SSBP3: variants seen among roughly 807,000 people sequenced by gnomAD.
The protein encoded by SSBP3 is single-stranded DNA-binding protein 3.
In SSBP3, 5 loss-of-function variants were observed where a neutral mutation model predicts 69.6. The observed-to-expected ratio is 0.07, with a 90% CI of 0.04 to 0.15. The LOEUF is 0.15. Ranked by LOEUF, SSBP3 falls within the 10% of genes least tolerant of loss-of-function variation. SSBP3 has a pLI of 1.00. For missense variants in SSBP3, 312 were observed against 534.0 expected (o/e 0.58, Z 4.10); for synonymous variants, 196 against 193.4 (o/e 1.01, Z -0.11).
chr1:54,235,084 C>G (rs1160691266), intron 14 of SSBP3, among the ~76,000 whole-genome samples: 2 of 152,158 alleles, frequency 1.3e-5, no homozygotes, highest in Admixed American at 1.3e-4. Flanking sequence ...CCACACAACC[C>G]TTATACACAA....
intron 4 of SSBP3, among the ~76,000 whole-genome samples, chr1:54,298,270 G>A (rs36120293): frequency 0.25 from 37,458 of 151,940 alleles, 5,383 homozygotes; most frequent in Middle Eastern, 0.39. Context: ...GGCCTAGCTC[G>A]GACCCCTCTC....
chr1:54,328,114 C>T (rs948963142), intron 4 of SSBP3, among the ~76,000 whole-genome samples: 4 of 152,092 alleles, frequency 2.6e-5, no homozygotes, highest in South Asian at 2.1e-4. Context: ...ACTCCACAGC[C>T]GTCTTGACCT....
chr1:54,241,276 C>G (rs1644633107), intron 12 of SSBP3, among the ~76,000 whole-genome samples, 198 bp downstream of exon 12: 1 of 152,170 alleles, frequency 6.6e-6, no homozygotes, highest in African/African-American at 2.4e-5. Flanking sequence ...GCAATTCCAC[C>G]CCCAGGTCTG....
chr1:54,226,169 G>C (rs1251239138), exon 18 of SSBP3: 1 of 152,704 alleles, frequency 6.5e-6, no homozygotes. Flanking sequence ...TTCTCACTGG[G>C]AAGACTGGGG....
chr1:54,404,064 T>C (rs1367718633), intron 3 of SSBP3, among the ~76,000 whole-genome samples: 1 of 152,046 alleles, frequency 6.6e-6, no homozygotes, highest in East Asian at 1.9e-4. Context: ...GACCAGTCAG[T>C]CTGAATCAGT....
chr1:54,285,166 C>G (rs1242387608), intron 4 of SSBP3, among the ~76,000 whole-genome samples: 1 of 152,164 alleles, frequency 6.6e-6, no homozygotes, highest in African/African-American at 2.4e-5. Flanking sequence ...TGCTGTTCTT[C>G]TTTGATTATG....
intron 4 of SSBP3, among the ~76,000 whole-genome samples, chr1:54,380,017 G>A (rs563429182): frequency 7.9e-5 from 12 of 152,312 alleles, no homozygotes; most frequent in South Asian, 6.2e-4. Context: ...CTCTGTTAGC[G>A]GAAAGAGCCT....
At chr1:54,367,488 T>G (rs1469483371) in intron 4 of SSBP3, among the ~76,000 whole-genome samples, 1 of 152,160 alleles carries the variant, frequency 6.6e-6, no homozygotes, top group Non-Finnish European at 1.5e-5. Context: ...ATCTGTCAAT[T>G]AATATGTATT....
chr1:54,314,454 A>C (rs142223744), intron 4 of SSBP3, among the ~76,000 whole-genome samples: 4 of 152,376 alleles, frequency 2.6e-5, no homozygotes, highest in African/African-American at 9.6e-5. Context: ...TGTGGCCTGC[A>C]GTTGTGCCTA....
chr1:54,369,194 A>G (rs1242155501), intron 4 of SSBP3, among the ~76,000 whole-genome samples: 1 of 142,546 alleles, frequency 7.0e-6, no homozygotes, highest in Non-Finnish European at 1.5e-5. Flanking sequence ...TCTGCATTGC[A>G]CATGGGAAAA....
intron 5 of SSBP3, among the ~76,000 whole-genome samples, chr1:54,280,726 C>T (rs976152972): frequency 3.3e-5 from 5 of 152,296 alleles, no homozygotes; most frequent in Non-Finnish European, 7.4e-5. Context: ...ACAGAGGAGG[C>T]GGCGCAGAGA....
At chr1:54,362,813 T>C (rs1646970242) in intron 4 of SSBP3, among the ~76,000 whole-genome samples, 1 of 152,244 alleles carries the variant, frequency 6.6e-6, no homozygotes. Context: ...GGATTAGTCC[T>C]GCTTTCAGTG....
At chr1:54,359,466 C>T (rs760486538) in intron 4 of SSBP3, among the ~76,000 whole-genome samples, 11 of 152,138 alleles carry the variant, frequency 7.2e-5, no homozygotes, top group East Asian at 1.9e-4. Flanking sequence ...AAGCCCTTCA[C>T]GCTTTAAAAC....
intron 4 of SSBP3, among the ~76,000 whole-genome samples, chr1:54,393,177 CAGA>C (rs1266047901): frequency 6.6e-6 from 1 of 152,172 alleles, no homozygotes; most frequent in African/African-American, 2.4e-5. Flanking sequence ...AGGCACAGGC[CAGA>C]AGCATCTGTG....
chr1:54,225,502 ATTACT>A, exon 18 of SSBP3: 1 of 1,111,172 alleles, frequency 9.0e-7, no homozygotes, highest in Non-Finnish European at 1.1e-6. Context: ...ATGTATCATA[ATTACT>A]TTTTTTTCCT....
At chr1:54,314,459 T>G (rs560896866) in intron 4 of SSBP3, among the ~76,000 whole-genome samples, 18 of 152,304 alleles carry the variant, frequency 1.2e-4, no homozygotes, top group African/African-American at 3.6e-4. Context: ...CCTGCAGTTG[T>G]GCCTACACCT....
At chr1:54,401,231 G>A (rs1649267336) in intron 4 of SSBP3, among the ~76,000 whole-genome samples, 1 of 152,296 alleles carries the variant, frequency 6.6e-6, no homozygotes, top group Non-Finnish European at 1.5e-5. Context: ...ACTCATCCAG[G>A]TAGAAAGTGA....
intron 4 of SSBP3, among the ~76,000 whole-genome samples, chr1:54,292,552 A>G (rs1443412618): frequency 6.6e-6 from 1 of 152,068 alleles, no homozygotes; most frequent in Non-Finnish European, 1.5e-5. Context: ...GGCCCTGCAC[A>G]AGCCCTCTGA....
At chr1:54,380,755 G>T (rs1569997709) in intron 4 of SSBP3, among the ~76,000 whole-genome samples, 1 of 152,144 alleles carries the variant, frequency 6.6e-6, no homozygotes, top group East Asian at 1.9e-4. Flanking sequence ...CCATGGGGTT[G>T]GGGGTGTTGG....
Sources: allele counts gnomAD v4.1 joint callset (sites outside exome capture counted in the v4.1 genomes callset), GRCh38; gene constraint gnomAD v4.1.1; transcripts MANE v1.5; gene names NCBI Gene and HGNC (gene_info 2026-07-23, HGNC 2026-07-21).